MARCHF5: variants seen among roughly 807,000 people sequenced by gnomAD.
MARCHF5 encodes the protein E3 ubiquitin-protein ligase MARCHF5.
MARCHF5 carries 5 observed loss-of-function variants against 36.5 expected under a neutral mutation model. The ratio of observed to expected loss-of-function variants is 0.14; its 90% CI spans 0.07 to 0.29. The LOEUF (loss-of-function observed/expected upper bound fraction) is 0.29. MARCHF5 is among the 10% of genes least tolerant of loss of function. The pLI is 1.00. For missense variants in MARCHF5, 179 were observed against 336.3 expected (o/e 0.53, Z 3.66); for synonymous variants, 103 against 109.9 (o/e 0.94, Z 0.39).
At chr10:92,328,821 A>ATAT (rs372130854) in intron 2 of MARCHF5, among the ~76,000 whole-genome samples, 1,547 of 122,352 alleles carry the variant, frequency 0.013, 13 homozygotes, top group African/African-American at 0.026. Context: ...ATATATATAT[A>ATAT]TTTTTTTTTT....
chr10:92,347,904 C>T (rs907014967), intron 3 of MARCHF5, among the ~76,000 whole-genome samples: 32 of 152,272 alleles, frequency 2.1e-4, no homozygotes, highest in African/African-American at 6.5e-4. Flanking sequence ...TTTCTGGGGC[C>T]GGGCGCAGTG....
chr10:92,291,358 G>C lies in MARCHF5; in HGVS notation c.-137G>C. ...CCGCCGCCGCCAGGCTAGCGGAGCT[G>C]CCCCGGGAAGCTGGGTGACGGGTTC... On this transcript the variant is annotated 5_prime_UTR_variant, in exon 1 of 6. Transcript: ENST00000358935. 1 of 783,968 alleles carries C rather than the reference G, an allele frequency of 1.3e-6. No homozygotes were observed. The highest frequency in any genetic ancestry group is 2.1e-6 in the Non-Finnish European group (1 of 467,930). The allele number at this position is 783,968 out of a possible 1,614,324, so 48.6% of individuals were successfully genotyped here. A position where few individuals can be genotyped will look rare whatever the true frequency, so the allele number is the denominator to read the frequency against.
At chr10:92,312,966 C>T (rs1024772431) in intron 2 of MARCHF5, among the ~76,000 whole-genome samples, 3 of 152,138 alleles carry the variant, frequency 2.0e-5, no homozygotes, top group Non-Finnish European at 2.9e-5. Flanking sequence ...CTGGGCGTGG[C>T]GGCTCACGCC....
intron 1 of MARCHF5, among the ~76,000 whole-genome samples, chr10:92,306,983 C>T (rs952684474): frequency 5.9e-5 from 9 of 152,092 alleles, no homozygotes; most frequent in Non-Finnish European, 8.8e-5. Flanking sequence ...CACTGCACTC[C>T]AGCCTAGGTG....
At chr10:92,316,161 T>G (rs912743579) in intron 2 of MARCHF5, among the ~76,000 whole-genome samples, 6 of 149,248 alleles carry the variant, frequency 4.0e-5, no homozygotes, top group South Asian at 2.1e-4. Flanking sequence ...AGATTTTGTG[T>G]TTTTTTTTTA....
chr10:92,322,847 C>T (rs1172281384), intron 2 of MARCHF5, among the ~76,000 whole-genome samples: 1 of 151,774 alleles, frequency 6.6e-6, no homozygotes, highest in Non-Finnish European at 1.5e-5. Context: ...AAGCAATTCT[C>T]CTGCCTCAGC....
At chr10:92,333,964 T>C (rs1439138291) in intron 2 of MARCHF5, among the ~76,000 whole-genome samples, 1 of 151,852 alleles carries the variant, frequency 6.6e-6, no homozygotes, top group African/African-American at 2.4e-5. Context: ...CCGAGGCGGG[T>C]GGATCATTTG....
At chr10:92,331,535 A>G (rs1346354510) in intron 2 of MARCHF5, among the ~76,000 whole-genome samples, 1 of 151,878 alleles carries the variant, frequency 6.6e-6, no homozygotes, top group Non-Finnish European at 1.5e-5. Context: ...TGTTTTATGT[A>G]TATTGTTTGT....
In MARCHF5 at chr10:92,349,230, A is replaced by G. The variant is rs1843690070; in HGVS notation, c.370-119A>G. The G allele has an allele frequency of 4.9e-5, 37 of 753,028 alleles. 1 individual carries two copies. In the South Asian group the frequency reaches 8.4e-4, roughly 17 times the overall value. The allele number at this position is 753,028 out of a possible 1,614,324, so 46.6% of individuals were successfully genotyped here. ...GATAGCTTTCCAGCTTATTTTTTAA[A>G]CTTTTTATTTCTGTGTATTCTTTTG... On this transcript the variant is annotated intron_variant, in intron 3 of 5. Transcript: ENST00000358935.
intron 2 of MARCHF5, among the ~76,000 whole-genome samples, chr10:92,333,169 A>G (rs370318863): frequency 0.17 from 1 of 6 alleles, no homozygotes; most frequent in Non-Finnish European, 0.25. Context: ...TTGCCAAAAG[A>G]AAAAAAAAAA....
chr10:92,328,814 TATA>T (rs1564950166), intron 2 of MARCHF5, among the ~76,000 whole-genome samples: 3 of 68,738 alleles, frequency 4.4e-5, no homozygotes, highest in Admixed American at 1.3e-4. Context: ...TATATATATA[TATA>T]TATATTTTTT....
intron 2 of MARCHF5, among the ~76,000 whole-genome samples, 157 bp downstream of exon 2, chr10:92,311,494 T>G (rs539501425): frequency 2.7e-4 from 41 of 152,350 alleles, no homozygotes; most frequent in African/African-American, 9.4e-4. Flanking sequence ...TTTATTTCTT[T>G]TGCTAACAGT....
intron 2 of MARCHF5, among the ~76,000 whole-genome samples, chr10:92,320,732 CAAAGTT>C (rs1234023492): frequency 2.9e-4 from 38 of 131,874 alleles, no homozygotes; most frequent in African/African-American, 8.6e-4. Context: ...ACAAAAGAGT[CAAAGTT>C]AAAGTTAAAA....
At position 92,352,487 on chromosome 10, in the gene MARCHF5, A is replaced by C. The variant is rs973065251; in HGVS notation, c.*1280A>C. The C allele has an allele frequency of 2.6e-5, 4 of 152,240 alleles. No homozygotes were observed. Among genetic ancestry groups the C allele is most frequent in the African/African-American group, 9.6e-5 (4 of 41,460 alleles). The allele number at this position is 152,240 out of a possible 1,614,324, so 9.4% of individuals were successfully genotyped here. ...CCATTTTCAATAGATTGGCCATTTT[A>C]ATGTTCAGCAACCTGAATGGTTATT... On this transcript the variant is annotated 3_prime_UTR_variant, in exon 6 of 6. Coordinates refer to ENST00000358935, the MANE Select transcript of MARCHF5 (RefSeq NM_017824.5).
intron 2 of MARCHF5, among the ~76,000 whole-genome samples, chr10:92,328,821 A>ATATATATATATATATATTTT (rs372130854): frequency 4.9e-5 from 6 of 122,438 alleles, no homozygotes; most frequent in African/African-American, 1.9e-4. Flanking sequence ...ATATATATAT[A>ATATATATATATATATATTTT]TTTTTTTTTT....
chr10:92,327,204 C>G (rs1843373378), intron 2 of MARCHF5, among the ~76,000 whole-genome samples: 2 of 151,970 alleles, frequency 1.3e-5, no homozygotes, highest in Admixed American at 6.5e-5. Flanking sequence ...TCTGGTCTCT[C>G]CTATCATTTG....
chr10:92,319,077 G>T (rs990702407), intron 2 of MARCHF5, among the ~76,000 whole-genome samples: 3 of 152,136 alleles, frequency 2.0e-5, no homozygotes, highest in Admixed American at 6.6e-5. Context: ...CACAGTGGTG[G>T]TCCCCTAAGA....
chr10:92,346,672 G>A (rs140585801), intron 3 of MARCHF5, among the ~76,000 whole-genome samples: 179 of 151,728 alleles, frequency 1.2e-3, no homozygotes, highest in African/African-American at 4.2e-3. Context: ...TAATAGAAAC[G>A]GGGTTCCACC....
chr10:92,306,910 A>T (rs1417750243), intron 1 of MARCHF5, among the ~76,000 whole-genome samples: 1 of 152,146 alleles, frequency 6.6e-6, no homozygotes, highest in Non-Finnish European at 1.5e-5. Context: ...GTTACTAGGG[A>T]GGCTGAGGCA....
Sources: gnomAD v4.1 joint callset for allele counts (sites outside exome capture counted in the v4.1 genomes callset) on GRCh38, gnomAD v4.1.1 for gene constraint, MANE v1.5 for transcripts, NCBI Gene and HGNC (gene_info 2026-07-23, HGNC 2026-07-21) for gene names.